Variants in PDE4DIP observed in about 807,000 individuals in gnomAD.
PDE4DIP encodes phosphodiesterase 4D interacting protein, also known as myomegalin.
PDE4DIP carries 59 observed loss-of-function variants against 221.4 expected under a neutral mutation model. The ratio of observed to expected loss-of-function variants is 0.27; its 90% CI spans 0.22 to 0.33. The LOEUF (loss-of-function observed/expected upper bound fraction) is 0.33, where lower values mean the gene tolerates loss of function less well. Ranked by LOEUF, PDE4DIP falls within the 10% of genes least tolerant of loss-of-function variation. The pLI, the probability that PDE4DIP is intolerant of heterozygous loss-of-function variation, is 1.00. For synonymous variants in PDE4DIP, 404 were observed against 815.9 expected (o/e 0.50, Z 8.60); for missense variants, 1,036 against 2,154.2 (o/e 0.48, Z 10.28).
chr1:148,991,289 TGA>T (rs1463127582), intron 21 of PDE4DIP, among the ~76,000 whole-genome samples: 1 of 152,032 alleles, frequency 6.6e-6, no homozygotes, highest in Admixed American at 6.6e-5. Flanking sequence ...AATAAGAGTT[TGA>T]GAGAGGTGAG....
At chr1:148,933,675 A>T (rs1173677536) in intron 4 of PDE4DIP, among the ~76,000 whole-genome samples, 2 of 152,176 alleles carry the variant, frequency 1.3e-5, no homozygotes, top group Non-Finnish European at 2.9e-5. Flanking sequence ...GCATACCATG[A>T]CCAATGTGAT....
chr1:148,919,434 C>T (rs1422984348), intron 1 of PDE4DIP, among the ~76,000 whole-genome samples: 1 of 151,074 alleles, frequency 6.6e-6, no homozygotes, highest in African/African-American at 2.5e-5. Flanking sequence ...GAGAGAAACT[C>T]CATTTACAAA....
chr1:149,029,544 T>C (rs2076106386), intron 41 of PDE4DIP, among the ~76,000 whole-genome samples: 1 of 152,128 alleles, frequency 6.6e-6, no homozygotes, highest in African/African-American at 2.4e-5. Context: ...GAGGTTCTCT[T>C]AAGCTACAGG....
intron 32 of PDE4DIP, among the ~76,000 whole-genome samples, chr1:149,013,879 C>T (rs1240507178): frequency 2.0e-5 from 3 of 150,166 alleles, no homozygotes; most frequent in African/African-American, 4.9e-5. Flanking sequence ...TCTCTACCTC[C>T]TGGGCTCAAG....
chr1:149,015,313 C>A (rs2070081429), intron 32 of PDE4DIP, among the ~76,000 whole-genome samples: 1 of 151,738 alleles, frequency 6.6e-6, no homozygotes, highest in Admixed American at 6.6e-5. Context: ...GAACCAGCTA[C>A]AAGTAGGGCT....
chr1:148,938,764 GATA>G (rs1157814954), intron 5 of PDE4DIP, among the ~76,000 whole-genome samples: 1 of 151,282 alleles, frequency 6.6e-6, no homozygotes, highest in Admixed American at 6.6e-5. Context: ...AAGTGTATCA[GATA>G]ATGATAGAAA....
chr1:148,879,035 G>GT (rs78320261), intron 3 of PDE4DIP, among the ~76,000 whole-genome samples: 1,974 of 59,074 alleles, frequency 0.033, 1 homozygote, highest in Admixed American at 0.048. Context: ...GTTTTGTTTT[G>GT]TTTTTTTTTT....
intron 14 of PDE4DIP, among the ~76,000 whole-genome samples, chr1:148,971,592 A>G (rs1553527710): frequency 1.3e-5 from 2 of 152,030 alleles, no homozygotes; most frequent in African/African-American, 4.8e-5. Context: ...TGGTGAAACC[A>G]CTTAAGATCT....
At chr1:149,032,056 C>A in exon 44 of PDE4DIP, 1 of 1,610,468 alleles carries the variant, frequency 6.2e-7, no homozygotes, top group South Asian at 1.1e-5. Context: ...AAAGGTGGGC[C>A]TGTCCCCCTT....
intron 4 of PDE4DIP, among the ~76,000 whole-genome samples, chr1:148,933,078 T>A (rs1459719409): frequency 2.0e-5 from 3 of 152,180 alleles, no homozygotes; most frequent in Non-Finnish European, 2.9e-5. Context: ...CCGTTGTTTA[T>A]AAGCCTCCCA....
rs181348612 is a variant in PDE4DIP, at chr1:148,927,452, A to T, written c.142-1745A>T. ...TCTCAAATATCTAAACTAGGTTTCTACTTTTCCCAATTAGTATTTGTGTTT... is the reference window on the plus strand; with the variant it reads ...TCTCAAATATCTAAACTAGGTTTCTTCTTTTCCCAATTAGTATTTGTGTTT... On this transcript the variant is annotated intron_variant, in intron 1 of 43. Transcript: ENST00000369354. Among the ~76,000 whole-genome samples, 19 of 152,146 alleles carry T rather than the reference A, an allele frequency of 1.2e-4. 1 individual carries two copies. In the East Asian group the frequency reaches 3.7e-3, roughly 29 times the overall value.
chr1:148,971,364 G>T (rs1553526914), intron 14 of PDE4DIP, among the ~76,000 whole-genome samples: 1 of 149,856 alleles, frequency 6.7e-6, no homozygotes, highest in African/African-American at 2.5e-5. Flanking sequence ...TTAGATAATG[G>T]TAAGTGCATC....
rs1327899724 is a variant in PDE4DIP at position 148,864,392 on chromosome 1, T to G, written c.289+1087T>G. 4.3e-5 allele frequency among the ~76,000 whole-genome samples: 6 copies of G among 140,146 alleles called. 1 individual carries two copies. The highest frequency in any genetic ancestry group is 2.8e-4 in the Admixed American group (4 of 14,208). The allele number at this position is 140,146 out of a possible 152,430, so 91.9% of individuals were successfully genotyped here. ...TTATCTATTGTTACTATTAATGTAT[T>G]CCTAACAACAGCACAATTATTACTA... is the stretch of plus-strand genomic sequence containing the variant. On this transcript the variant is annotated intron_variant, in intron 2 of 45. Transcript: ENST00000524974.
chr1:148,955,967 A>G (rs587722464), intron 5 of PDE4DIP, among the ~76,000 whole-genome samples: 1 of 152,202 alleles, frequency 6.6e-6, no homozygotes, highest in East Asian at 1.9e-4. Context: ...CAGGGAAAAT[A>G]GATGAATTGG....
chr1:148,972,965 G>GTT (rs1349905223), intron 16 of PDE4DIP, among the ~76,000 whole-genome samples: 1 of 125,624 alleles, frequency 8.0e-6, no homozygotes, highest in Non-Finnish European at 1.7e-5. Context: ...ACCTACTAAT[G>GTT]TTATATATAT....
chr1:149,032,689 C>T (rs1328100142), exon 44 of PDE4DIP: 7 of 224,096 alleles, frequency 3.1e-5, no homozygotes, highest in Non-Finnish European at 6.2e-5. Context: ...AAGTTGCTGT[C>T]CCATTTTGTC....
intron 1 of PDE4DIP, among the ~76,000 whole-genome samples, chr1:148,898,834 C>CT (rs1167311437): frequency 7.0e-5 from 7 of 100,588 alleles, no homozygotes; most frequent in East Asian, 6.4e-4. Context: ...TCCAGAAATT[C>CT]TTTTTTTTTT....
intron 1 of PDE4DIP, among the ~76,000 whole-genome samples, chr1:148,857,378 T>G (rs111950187): frequency 7.5e-5 from 3 of 39,878 alleles, no homozygotes; most frequent in African/African-American, 3.8e-4. Context: ...TTTTTTTTTT[T>G]TGAGACGGAG....
chr1:148,822,084 TGGA>T (rs1424039829), intron 1 of PDE4DIP, among the ~76,000 whole-genome samples: 3 of 128,928 alleles, frequency 2.3e-5, no homozygotes, highest in African/African-American at 9.3e-5. Context: ...TTCACCCTGG[TGGA>T]GGTTTTCTCC....
Sources: gnomAD v4.1 joint callset for allele counts (sites outside exome capture counted in the v4.1 genomes callset) on GRCh38, gnomAD v4.1.1 for gene constraint, MANE v1.5 for transcripts, NCBI Gene and HGNC (gene_info 2026-07-23, HGNC 2026-07-21) for gene names.